The following LINGO2 variants were observed in gnomAD, a reference collection of about 807,000 sequenced individuals.
LINGO2 encodes the protein leucine rich repeat and Ig domain containing 2, also known as leucine-rich repeat and immunoglobulin-like domain-containing nogo receptor-interacting protein 2.
A neutral mutation model predicts 30.6 loss-of-function variants in LINGO2; 14 were observed. The observed-to-expected ratio is 0.46, with a 90% CI of 0.30 to 0.72. The LOEUF is 0.72. Ranked by LOEUF, LINGO2 falls within the 30% of genes least tolerant of loss-of-function variation. LINGO2 has a pLI of 0.07. For synonymous variants in LINGO2, 317 were observed against 288.5 expected (o/e 1.10, Z -1.00); for missense variants, 729 against 751.7 (o/e 0.97, Z 0.35).
intron 1 of LINGO2, among the ~76,000 whole-genome samples, chr9:28,517,585 T>A (rs926670427): frequency 6.6e-6 from 1 of 152,216 alleles, no homozygotes; most frequent in Admixed American, 6.5e-5. Context: ...AATTGCATTT[T>A]AATTATTTTG....
At chr9:28,301,537 C>G (rs918102024) in intron 3 of LINGO2, among the ~76,000 whole-genome samples, 2 of 152,150 alleles carry the variant, frequency 1.3e-5, no homozygotes, top group African/African-American at 4.8e-5. Context: ...ACTGGAGATT[C>G]TGAAGATGAC....
At chr9:28,619,751 T>C (rs1250534503) in intron 1 of LINGO2, among the ~76,000 whole-genome samples, 1 of 152,142 alleles carries the variant, frequency 6.6e-6, no homozygotes, top group Non-Finnish European at 1.5e-5. Flanking sequence ...ACTGGTGCTA[T>C]GTGCAACTAC....
At chr9:28,145,021 G>A (rs1420106880) in intron 4 of LINGO2, among the ~76,000 whole-genome samples, 1 of 152,202 alleles carries the variant, frequency 6.6e-6, no homozygotes, top group Non-Finnish European at 1.5e-5. Context: ...AGGCAGGAAT[G>A]TGCATGAGGT....
chr9:28,044,406 A>T (rs1395677407), intron 4 of LINGO2, among the ~76,000 whole-genome samples: 1 of 152,140 alleles, frequency 6.6e-6, no homozygotes, highest in African/African-American at 2.4e-5. Context: ...TCAGGGAAGG[A>T]GACAGTGGGG....
rs1820180534 is a variant in LINGO2, at chr9:28,200,243, C to A, written c.-87+94965G>T. 3.9e-5 allele frequency among the ~76,000 whole-genome samples: 6 copies of A among 152,144 alleles called. No homozygotes were observed. The South Asian group carries it at 1.2e-3, about 31-fold the overall frequency. ...GTGACTAAGATAGGTAACCTTGCCT[C>A]TGGAGTTATTTTAAGCAAAAGATAG... is the stretch of plus-strand genomic sequence containing the variant. On this transcript the variant is annotated intron_variant, in intron 4 of 5. Transcript: ENST00000379992.
At chr9:28,326,769 C>T (rs1014033919) in intron 3 of LINGO2, among the ~76,000 whole-genome samples, 1 of 152,102 alleles carries the variant, frequency 6.6e-6, no homozygotes, top group Non-Finnish European at 1.5e-5. Context: ...CCATAATTCA[C>T]AAATGTTAGG....
rs1196178726 is a variant in LINGO2, at chr9:28,351,684, A to C, written c.-246+21152T>G. 2.6e-5 allele frequency among the ~76,000 whole-genome samples: 4 copies of C among 151,136 alleles called. No homozygotes were observed. In the East Asian group the frequency reaches 5.9e-4, roughly 22 times the overall value. Reference sequence around the variant, plus strand: ...CATCATTCTGATACCAAAGCCAGGCAGAGACACAACAAAAAAAGAGAATTT... The same window carrying C: ...CATCATTCTGATACCAAAGCCAGGCCGAGACACAACAAAAAAAGAGAATTT... On this transcript the variant is annotated intron_variant, in intron 3 of 5. Transcript: ENST00000379992.
At chr9:28,655,163 A>G (rs1224557821) in intron 1 of LINGO2, among the ~76,000 whole-genome samples, 1 of 152,044 alleles carries the variant, frequency 6.6e-6, no homozygotes, top group African/African-American at 2.4e-5. Flanking sequence ...TGATCGTTTT[A>G]TAAGGGACTT....
intron 5 of LINGO2, among the ~76,000 whole-genome samples, chr9:27,973,093 C>T (rs776159976): frequency 1.5e-4 from 23 of 152,132 alleles, no homozygotes; most frequent in Non-Finnish European, 2.5e-4. Context: ...CCTGGTTTTC[C>T]GGCTTGCAGA....
chr9:28,715,277 A>G, the LINGO2 span, among the ~76,000 whole-genome samples: 1 of 152,166 alleles, frequency 6.6e-6, no homozygotes, highest in Non-Finnish European at 1.5e-5. Flanking sequence ...AGACTGTAAA[A>G]TGCAATACCT....
At chr9:28,980,198 A>G in the LINGO2 span, among the ~76,000 whole-genome samples, 83 of 152,200 alleles carry the variant, frequency 5.5e-4, 1 homozygote, top group African/African-American at 2.0e-3. Flanking sequence ...CTTCAAACAC[A>G]TTCAGAATCT....
the LINGO2 span, among the ~76,000 whole-genome samples, chr9:28,799,130 T>C: frequency 6.6e-6 from 1 of 152,074 alleles, no homozygotes; most frequent in African/African-American, 2.4e-5. Context: ...GAGACCAGGC[T>C]ATCATAAAAA....
chr9:28,841,274 G>C, the LINGO2 span, among the ~76,000 whole-genome samples: 1 of 151,694 alleles, frequency 6.6e-6, no homozygotes, highest in African/African-American at 2.4e-5. Context: ...CTCATGGCTG[G>C]ACATAGAATA....
exon 6 of LINGO2, chr9:27,950,611 A>G: frequency 6.6e-7 from 1 of 1,518,818 alleles, no homozygotes; most frequent in East Asian, 2.3e-5. Flanking sequence ...GATCCCATGA[A>G]GATTAACACC....
intron 3 of LINGO2, among the ~76,000 whole-genome samples, chr9:28,349,856 A>T (rs568338494): frequency 4.6e-5 from 7 of 152,120 alleles, no homozygotes; most frequent in Non-Finnish European, 7.4e-5. Context: ...AACGTTCTTA[A>T]AGAAAAGGAT....
At chr9:28,389,996 T>C (rs1821758888) in intron 2 of LINGO2, among the ~76,000 whole-genome samples, 1 of 152,186 alleles carries the variant, frequency 6.6e-6, no homozygotes, top group Non-Finnish European at 1.5e-5. Flanking sequence ...ACTCCTAAAT[T>C]GCCCTTAAAG....
rs1361877304 is a variant in LINGO2, at chr9:28,298,702, A to G, written c.-245-3336T>C. On this transcript the variant is annotated intron_variant, in intron 3 of 5. Coordinates refer to ENST00000379992, the Ensembl canonical transcript of LINGO2. ...CTGTCTCAAAAAAAAAAAAAAAATC[A>G]GAATGAATGTATTTTCTTGTATGTA... is the stretch of plus-strand genomic sequence containing the variant. Among the ~76,000 whole-genome samples, 3 of 149,590 alleles carry G rather than the reference A, an allele frequency of 2.0e-5. No homozygotes were observed. In the East Asian group the frequency reaches 6.3e-4, roughly 31 times the overall value.
At chr9:29,125,217 A>G in the LINGO2 span, among the ~76,000 whole-genome samples, 53 of 152,268 alleles carry the variant, frequency 3.5e-4, no homozygotes, top group African/African-American at 1.1e-3. Context: ...CAGTGAGAAC[A>G]AATGGACACA....
chr9:29,000,186 T>C, the LINGO2 span, among the ~76,000 whole-genome samples: 1 of 151,984 alleles, frequency 6.6e-6, no homozygotes, highest in Non-Finnish European at 1.5e-5. Flanking sequence ...TTCTTCGGCA[T>C]GGCCCTATGG....
Sources: allele counts gnomAD v4.1 joint callset (sites outside exome capture counted in the v4.1 genomes callset), GRCh38; gene constraint gnomAD v4.1.1; transcripts MANE v1.5; gene names NCBI Gene and HGNC (gene_info 2026-07-23, HGNC 2026-07-21).